STRA6: variants seen among roughly 807,000 people sequenced by gnomAD.
STRA6 encodes receptor for retinol uptake STRA6.
A neutral mutation model predicts 83.6 loss-of-function variants in STRA6; 48 were observed. The observed-to-expected ratio is 0.57, with a 90% confidence interval of 0.46 to 0.73. The LOEUF is 0.73. STRA6 is among the 30% of genes least tolerant of loss of function. The probability of loss-of-function intolerance (pLI) is 0.00; values close to 1 mark genes in which losing one functional copy is unlikely to be tolerated. For synonymous variants in STRA6, 353 were observed against 362.3 expected (o/e 0.97, Z 0.29); for missense variants, 760 against 838.8 (o/e 0.91, Z 1.16).
intron 12 of STRA6, among the ~76,000 whole-genome samples, chr15:74,185,276 G>A (rs2073187979): frequency 1.3e-5 from 2 of 152,222 alleles, no homozygotes; most frequent in Non-Finnish European, 2.9e-5. Context: ...GTCAAGAGAT[G>A]AAACCAGCTC....
rs1216224802 is a variant in STRA6 at position 74,181,329 on chromosome 15, G to A, written c.1650C>T (p.Ser550=). 6.2e-7 allele frequency: 1 copy of A among 1,611,928 alleles called. No homozygotes were observed. The highest frequency in any genetic ancestry group is 1.3e-5 in the African/African-American group (1 of 74,508). Residue 550 remains serine (S), a synonymous_variant, in exon 17 of 19, where the codon AGC becomes AGT. Transcript: ENST00000395105. ...GAGTGGCGGCTCTCGGTGGCAGCAG[G>A]CTGAGGTCCATCTGGCCAAGGTGGA... ...NAIHLGQMDL[S]LLPPRAATLD...
At chr15:74,196,474 AGC>A (rs1161362797) in intron 4 of STRA6, among the ~76,000 whole-genome samples, 1 of 152,188 alleles carries the variant, frequency 6.6e-6, no homozygotes, top group Non-Finnish European at 1.5e-5. Context: ...CAGAGAACTC[AGC>A]GAGTCACAAC....
Position 74,179,755 on chromosome 15 carries a change from C to T in STRA6, c.*325G>A, listed in dbSNP as rs752381486. 4.1e-5 allele frequency: 12 copies of T among 289,282 alleles called. No homozygotes were observed. The highest frequency in any genetic ancestry group is 4.6e-5 in the Non-Finnish European group (7 of 151,576). 17.9% of individuals were successfully genotyped at this position (289,282 alleles called of 1,614,324 possible). On this transcript the variant is annotated 3_prime_UTR_variant, in exon 19 of 19. Coordinates refer to ENST00000395105, the MANE Select transcript of STRA6 (RefSeq NM_022369.4). ...GGAGTGGTTCCAGAGAAGGCTTCAT[C>T]GAGGCCCTTCAAGGCTGATGGCAGA...
At chr15:74,203,597 T>A (rs979309005), upstream of STRA6, among the ~76,000 whole-genome samples, 1 of 152,272 alleles carries the variant, frequency 6.6e-6, no homozygotes, top group Admixed American at 6.5e-5. Context: ...ACAGCTTTTT[T>A]AAGAAGACAT....
intron 12 of STRA6, among the ~76,000 whole-genome samples, chr15:74,187,446 G>T (rs896925564): frequency 1.3e-5 from 2 of 152,052 alleles, no homozygotes; most frequent in African/African-American, 4.8e-5. Context: ...GGAAATTGAG[G>T]TCAGGAGAGG....
chr15:74,198,292 G>A (rs1447937327), intron 2 of STRA6, among the ~76,000 whole-genome samples: 1 of 151,872 alleles, frequency 6.6e-6, no homozygotes. Context: ...TGTATTTTTA[G>A]TAGAGACAGG....
intron 14 of STRA6, 176 bp from the exon 15 acceptor site, chr15:74,182,636 T>C (rs2073052726): frequency 1.6e-6 from 1 of 608,546 alleles, no homozygotes; most frequent in Admixed American, 2.8e-5. Context: ...TGAGCCTCAG[T>C]TTCTTCCTCT....
upstream of STRA6, chr15:74,203,093 A>T: frequency 1.0e-6 from 1 of 985,504 alleles, no homozygotes; most frequent in African/African-American, 1.7e-5. Context: ...TTACAGCAAC[A>T]ACCGAGTGAG....
chr15:74,211,919 G>C (rs1473269295), upstream of STRA6, among the ~76,000 whole-genome samples: 1 of 151,710 alleles, frequency 6.6e-6, no homozygotes, highest in Non-Finnish European at 1.5e-5. Context: ...CACTCTCTCT[G>C]TTGTTTCCTT....
At chr15:74,209,688 C>G, upstream of STRA6, 1 of 510,132 alleles carries the variant, frequency 2.0e-6, no homozygotes, top group Admixed American at 3.5e-5. Context: ...TCGGCTGCAT[C>G]CCCCCTCACC....
chr15:74,207,942 T>A (rs1244759537), intron 1 of STRA6: 1 of 1,454,126 alleles, frequency 6.9e-7, no homozygotes, highest in African/African-American at 1.4e-5. Context: ...ACTCTCCACC[T>A]CCTGTCTCTC....
chr15:74,204,213 T>C (rs2074200630), upstream of STRA6, among the ~76,000 whole-genome samples: 1 of 152,200 alleles, frequency 6.6e-6, no homozygotes, highest in African/African-American at 2.4e-5. Context: ...ATCCCAGGGA[T>C]GCGGGAAACT....
At chr15:74,189,447 C>T (rs893153387) in intron 11 of STRA6, among the ~76,000 whole-genome samples, 170 bp from the exon 12 acceptor site, 1 of 152,256 alleles carries the variant, frequency 6.6e-6, no homozygotes, top group Middle Eastern at 3.4e-3. Flanking sequence ...TAAATGAGGA[C>T]ATTACAGACA....
intron 16 of STRA6, among the ~76,000 whole-genome samples, chr15:74,181,777 C>A (rs1195278360): frequency 6.6e-6 from 1 of 152,124 alleles, no homozygotes; most frequent in Non-Finnish European, 1.5e-5. Flanking sequence ...TTTCTGGGTC[C>A]CCTGTCTGCT....
chr15:74,185,627 C>T (rs2073208014), intron 12 of STRA6, among the ~76,000 whole-genome samples: 2 of 152,246 alleles, frequency 1.3e-5, no homozygotes, highest in Admixed American at 1.3e-4. Flanking sequence ...CCTGGCCATG[C>T]ACACAATGAG....
chr15:74,208,936 C>G (rs2074323410), exon 1 of STRA6: 3 of 996,542 alleles, frequency 3.0e-6, no homozygotes, highest in Non-Finnish European at 3.6e-6. Flanking sequence ...CCAGCACCAG[C>G]TGGGCTGGGA....
chr15:74,202,003 A>G (rs996248505), intron 2 of STRA6, 152 bp downstream of exon 2: 9 of 868,592 alleles, frequency 1.0e-5, no homozygotes, highest in Admixed American at 3.8e-5. Flanking sequence ...AACCCCAGAG[A>G]GGCTGTGACT....
At chr15:74,208,820 G>A in exon 1 of STRA6, 1 of 989,238 alleles carries the variant, frequency 1.0e-6, no homozygotes, top group South Asian at 4.6e-5. Context: ...GCGCTCTCCT[G>A]ACCTCTCCCT....
At chr15:74,209,230 C>CA, upstream of STRA6, 1 of 1,132,786 alleles carries the variant, frequency 8.8e-7, no homozygotes, top group Non-Finnish European at 1.3e-6. Flanking sequence ...TCCACACCCC[C>CA]AAACCGTTTG....
Sources: gnomAD v4.1 joint callset for allele counts (sites outside exome capture counted in the v4.1 genomes callset) on GRCh38, gnomAD v4.1.1 for gene constraint, MANE v1.5 for transcripts, NCBI Gene and HGNC (gene_info 2026-07-23, HGNC 2026-07-21) for gene names.